The following SLC44A2 variants were observed in gnomAD, a reference collection of about 807,000 sequenced individuals.
SLC44A2 encodes solute carrier family 44 member 2 (CTL2 blood group).
In SLC44A2, 57 loss-of-function variants were observed where a neutral mutation model predicts 90.8. The ratio of observed to expected loss-of-function variants is 0.63; its 90% CI spans 0.51 to 0.78. The LOEUF (loss-of-function observed/expected upper bound fraction) is 0.78, where lower values mean the gene tolerates loss of function less well. Among genes scored for constraint, SLC44A2 ranks in the 30% least tolerant of loss-of-function variants. The pLI, the probability that SLC44A2 is intolerant of heterozygous loss-of-function variation, is 0.00. For missense variants in SLC44A2, 794 were observed against 919.7 expected (o/e 0.86, Z 1.77); for synonymous variants, 355 against 360.7 (o/e 0.98, Z 0.18).
At position 10,637,875 on chromosome 19, in the gene SLC44A2, A is replaced by C. The variant is rs1157366043; in HGVS notation, c.1715A>C (p.Asn572Thr). 6.2e-7 allele frequency: 1 copy of C among 1,613,844 alleles called. No individual in the cohort carries two copies. Among genetic ancestry groups the C allele is most frequent in the Admixed American group, 1.7e-5 (1 of 59,974 alleles). Residue 572 changes from asparagine (N) to threonine (T), a missense_variant, in exon 18 of 22, where the codon AAT becomes ACT. Asn to Thr is a moderately conservative substitution (Grantham distance 65). Coordinates refer to ENST00000335757, the MANE Select transcript of SLC44A2 (RefSeq NM_020428.4). ...CTCCAGATTGCCATCTACGGCACCA[A>C]TTTCTGCACCTCGGCCAGGAATGCC... ...AYIMIAIYGT[N>T]FCTSARNAFF...
rs2067041476 is a variant in SLC44A2, at chr19:10,635,261, T to C, written c.1148+6T>C. 1 of 1,613,872 alleles carries C rather than the reference T, an allele frequency of 6.2e-7. No individual in the cohort carries two copies. Among genetic ancestry groups the C allele is most frequent in the Non-Finnish European group, 8.5e-7 (1 of 1,179,992 alleles). ...TACTGGGCCAGCACTGCTGTGTATCTGCCCCCAGACACTGATCTCTGACCC... is the reference window on the plus strand; with the variant it reads ...TACTGGGCCAGCACTGCTGTGTATCCGCCCCCAGACACTGATCTCTGACCC... On this transcript the variant is annotated splice_donor_region_variant and intron_variant, in intron 13 of 21. Coordinates refer to ENST00000335757, the MANE Select transcript of SLC44A2 (RefSeq NM_020428.4).
upstream of SLC44A2, among the ~76,000 whole-genome samples, chr19:10,621,300 C>T (rs539802027): frequency 1.3e-5 from 2 of 151,414 alleles, no homozygotes; most frequent in Non-Finnish European, 2.9e-5. Flanking sequence ...TGCAGTGAGC[C>T]TAGATGGCAC....
chr19:10,627,827 C>G, intron 3 of SLC44A2, 32 bp downstream of exon 3: 2 of 1,613,460 alleles, frequency 1.2e-6, no homozygotes, highest in Non-Finnish European at 1.7e-6. Context: ...CTTGGAGTTG[C>G]AGGGTAGGCG....
At position 10,627,740 on chromosome 19, in the gene SLC44A2, A is replaced by C; in HGVS notation, c.105A>C (p.Ile35=). The C allele has an allele frequency of 1.2e-6, 2 of 1,613,568 alleles. No homozygotes were observed. Among genetic ancestry groups the C allele is most frequent in the Non-Finnish European group, 1.7e-6 (2 of 1,179,964 alleles). Residue 35 remains isoleucine, a synonymous_variant, in exon 3 of 22, where the codon ATA becomes ATC. Transcript: ENST00000335757. ...TCCCCAGGGGCTGCACGGATATCATATGCTGTGTGTTCCTGCTCCTGGCCA... is the reference window on the plus strand; with the variant it reads ...TCCCCAGGGGCTGCACGGATATCATCTGCTGTGTGTTCCTGCTCCTGGCCA... ...PIYNRGCTDI[I]CCVFLLLAIV...
At chr19:10,602,744 C>G (rs1917996660) in intron 1 of SLC44A2, among the ~76,000 whole-genome samples, 1 of 152,186 alleles carries the variant, frequency 6.6e-6, no homozygotes, top group African/African-American at 2.4e-5. Context: ...CGCCCCGCGT[C>G]CCCTCCCCGG....
At position 10,636,565 on chromosome 19, in the gene SLC44A2, T is replaced by C. The variant is rs1221241951; in HGVS notation, c.1476T>C (p.Ser492=). ...PDDLPAFPLF[S]AFGRALRYHT... ...ACCTGCCGGCCTTCCCGCTCTTCTC[T>C]GCCTTTGGCCGGGCGCTCAGGTGGG... The change falls in exon 15 of 22, where the codon TCT becomes TCC. Residue 492 remains serine (S), a synonymous_variant. Coordinates refer to ENST00000335757, the MANE Select transcript of SLC44A2 (RefSeq NM_020428.4). The C allele has an allele frequency of 6.2e-7, 1 of 1,606,164 alleles. No homozygotes were observed. The highest frequency in any genetic ancestry group is 1.1e-5 in the South Asian group (1 of 90,964).
In SLC44A2 at chr19:10,636,575, C is replaced by T. The variant is rs750963982; in HGVS notation, c.1486C>T (p.Arg496Trp). ...CTTCCCGCTCTTCTCTGCCTTTGGC[C>T]GGGCGCTCAGGTGGGCTGGCGTTGC... ...PAFPLFSAFG[R>W]ALRYHTGSLA... Residue 496 changes from arginine (R) to tryptophan (W), a missense_variant, in exon 15 of 22, where the codon CGG (arginine) becomes TGG (tryptophan). Transcript: ENST00000335757. 3.1e-6 allele frequency: 5 copies of T among 1,604,756 alleles called. No homozygotes were observed. Among genetic ancestry groups the T allele is most frequent in the South Asian group, 1.1e-5 (1 of 90,856 alleles).
At chr19:10,628,150 C>A in intron 4 of SLC44A2, 146 bp downstream of exon 4, 1 of 719,342 alleles carries the variant, frequency 1.4e-6, no homozygotes, top group Non-Finnish European at 2.4e-6. Flanking sequence ...TTTGGGAGGC[C>A]GAGGCAGGAA....
chr19:10,620,943 G>A (rs528228901), upstream of SLC44A2, among the ~76,000 whole-genome samples: 7 of 152,206 alleles, frequency 4.6e-5, no homozygotes, highest in South Asian at 2.1e-4. Flanking sequence ...GGAGGCTGAG[G>A]CGAGAAGATC....
intron 1 of SLC44A2, among the ~76,000 whole-genome samples, chr19:10,612,777 G>C (rs1481479880): frequency 2.0e-5 from 3 of 152,264 alleles, no homozygotes; most frequent in African/African-American, 4.8e-5. Context: ...CAGCCAGCAA[G>C]GCTGGCACCC....
chr19:10,618,474 C>CTTTTTTTTTTT (rs3029799), intron 1 of SLC44A2, among the ~76,000 whole-genome samples: 1 of 87,364 alleles, frequency 1.1e-5, no homozygotes, highest in African/African-American at 4.9e-5. Flanking sequence ...TGCGCCCGGC[C>CTTTTTTTTTTT]TTTTTTTTTT....
intron 1 of SLC44A2, among the ~76,000 whole-genome samples, chr19:10,613,031 G>A (rs570180435): frequency 6.6e-5 from 10 of 150,510 alleles, no homozygotes; most frequent in African/African-American, 2.4e-4. Context: ...GTGGGGATTG[G>A]AGAAGTTTTT....
intron 20 of SLC44A2, 37 bp from the exon 21 acceptor site, chr19:10,642,330 G>C (rs780157920): frequency 1.3e-6 from 2 of 1,581,274 alleles, no homozygotes; most frequent in South Asian, 1.1e-5. Flanking sequence ...CTCTGGGAAG[G>C]ACACGGAGCA....
chr19:10,635,076 G>GGGGGGCCAGGGTGCC lies in SLC44A2; in HGVS notation c.1055+4_1055+18dup. 1 of 1,614,004 alleles carries GGGGGGCCAGGGTGCC rather than the reference G, an allele frequency of 6.2e-7. No individual in the cohort carries two copies. The highest frequency in any genetic ancestry group is 8.5e-7 in the Non-Finnish European group (1 of 1,179,972). On this transcript the variant is annotated splice_donor_region_variant and intron_variant, in intron 12 of 21. Transcript: ENST00000335757. ...GCACTCATCAAAGAAGCCAGCAGGT[G>GGGGGGCCAGGGTGCC]GGGGGCCAGGGTGCCAGGGGCCAGG...
At chr19:10,628,473 AGCTGGGAGGCCAAG>A (rs1255839201) in intron 4 of SLC44A2, among the ~76,000 whole-genome samples, 1 of 151,682 alleles carries the variant, frequency 6.6e-6, no homozygotes, top group Non-Finnish European at 1.5e-5. Flanking sequence ...GGATAGCTTG[AGCTGGGAGGCCAAG>A]GCTGCAGTAA....
intron 1 of SLC44A2, among the ~76,000 whole-genome samples, chr19:10,610,636 T>C (rs1352317971): frequency 1.1e-5 from 1 of 90,420 alleles, no homozygotes; most frequent in African/African-American, 4.2e-5. Context: ...CCTGGCTTTT[T>C]TTTTTTTTTT....
At chr19:10,629,031 G>A (rs960024689) in intron 4 of SLC44A2, among the ~76,000 whole-genome samples, 25 of 151,748 alleles carry the variant, frequency 1.6e-4, no homozygotes, top group Non-Finnish European at 2.4e-4. Context: ...GTGAAACCCC[G>A]TCTCTACTAA....
In SLC44A2 at chr19:10,635,027, C is replaced by A; in HGVS notation, c.1009C>A (p.Arg337=). Residue 337 remains arginine, a synonymous_variant, in exon 12 of 22, where the codon CGG becomes AGG. Transcript: ENST00000335757. The part of the protein sequence containing the change: ...VIIILLLIFL[R]KRILIAIALI... ...TATCATCTTGCTGCTCATCTTTCTC[C>A]GGAAGAGAATTCTCATCGCGATTGC... 6.2e-7 allele frequency: 1 copy of A among 1,614,112 alleles called. No homozygotes were observed. Among genetic ancestry groups the A allele is most frequent in the Non-Finnish European group, 8.5e-7 (1 of 1,180,038 alleles).
intron 21 of SLC44A2, chr19:10,642,877 G>A (rs1300834723): frequency 3.2e-6 from 5 of 1,569,940 alleles, no homozygotes; most frequent in Non-Finnish European, 3.4e-6. Flanking sequence ...TCCCCCTGCC[G>A]GTTCCCGGGG....
Sources: allele counts gnomAD v4.1 joint callset (sites outside exome capture counted in the v4.1 genomes callset), GRCh38; gene constraint gnomAD v4.1.1; transcripts MANE v1.5; gene names NCBI Gene and HGNC (gene_info 2026-07-23, HGNC 2026-07-21).